NTN1: variants seen among roughly 807,000 people sequenced by gnomAD.
The protein encoded by NTN1 is netrin 1.
In NTN1, 11 loss-of-function variants were observed where a neutral mutation model predicts 54.2. The ratio of observed to expected loss-of-function variants is 0.20; its 90% CI spans 0.13 to 0.34. The LOEUF (loss-of-function observed/expected upper bound fraction) is 0.34, where lower values mean the gene tolerates loss of function less well. NTN1 is among the 10% of genes least tolerant of loss of function. The probability of loss-of-function intolerance (pLI) is 1.00; values close to 1 mark genes in which losing one functional copy is unlikely to be tolerated. For missense variants in NTN1, 740 were observed against 893.1 expected (o/e 0.83, Z 2.18); for synonymous variants, 371 against 382.0 (o/e 0.97, Z 0.33).
At chr17:9,144,083 A>G (rs947964232) in intron 2 of NTN1, among the ~76,000 whole-genome samples, 10 of 152,024 alleles carry the variant, frequency 6.6e-5, no homozygotes, top group African/African-American at 1.9e-4. Flanking sequence ...TTTAGTAGAG[A>G]CAGGGTTTCA....
chr17:9,125,692 A>G (rs957171336), intron 2 of NTN1, among the ~76,000 whole-genome samples: 1 of 151,820 alleles, frequency 6.6e-6, no homozygotes, highest in Non-Finnish European at 1.5e-5. Context: ...TGCAGCTTCA[A>G]ACTCCTGGGC....
chr17:9,011,774 G>C, the NTN1 span, among the ~76,000 whole-genome samples: 6 of 152,136 alleles, frequency 3.9e-5, no homozygotes, highest in African/African-American at 1.4e-4. Context: ...ATTTTTGGTA[G>C]AGATGGGGTT....
chr17:9,071,416 T>C (rs2092031595), intron 2 of NTN1, among the ~76,000 whole-genome samples: 3 of 152,182 alleles, frequency 2.0e-5, no homozygotes, highest in Non-Finnish European at 4.4e-5. Context: ...GTAATTAGAC[T>C]CTGTAATCCC....
chr17:9,102,898 G>A (rs942215391), intron 2 of NTN1, among the ~76,000 whole-genome samples: 1 of 152,206 alleles, frequency 6.6e-6, no homozygotes, highest in African/African-American at 2.4e-5. Context: ...TTTATGTCAA[G>A]TGCAAAGCCA....
the NTN1 span, among the ~76,000 whole-genome samples, chr17:9,004,705 C>A: frequency 6.6e-6 from 1 of 151,676 alleles, no homozygotes; most frequent in Non-Finnish European, 1.5e-5. Context: ...CCAGGTGAAG[C>A]TCCAGACTCT....
At chr17:9,142,033 A>G (rs1045639140) in intron 2 of NTN1, among the ~76,000 whole-genome samples, 4 of 152,160 alleles carry the variant, frequency 2.6e-5, no homozygotes, top group Non-Finnish European at 5.9e-5. Context: ...AGGCTGAGGC[A>G]GGAGAATCGC....
At chr17:9,136,590 CAAAA>C (rs560067880) in intron 2 of NTN1, among the ~76,000 whole-genome samples, 116 of 151,710 alleles carry the variant, frequency 7.6e-4, no homozygotes, top group South Asian at 3.8e-3. Flanking sequence ...AAGAAACAAA[CAAAA>C]AAAGAAAAAA....
the NTN1 span, among the ~76,000 whole-genome samples, chr17:9,014,384 A>G: frequency 6.6e-6 from 1 of 152,208 alleles, no homozygotes; most frequent in South Asian, 2.1e-4. Flanking sequence ...AAAACAACTC[A>G]AAACCTACTA....
At chr17:9,072,058 G>T (rs2092033691) in intron 2 of NTN1, among the ~76,000 whole-genome samples, 1 of 152,168 alleles carries the variant, frequency 6.6e-6, no homozygotes, top group African/African-American at 2.4e-5. Context: ...GGAAGCCGGG[G>T]CTGGGAGTAG....
chr17:9,239,278 C>G lies in NTN1; in HGVS notation c.1487-362C>G, dbSNP rs895740192. ...CACCCCTGAGGAACCTCCCTCTCCC[C>G]GCCAGCACTGCTCTCACCCGAGCGC... On this transcript the variant is annotated intron_variant, in intron 6 of 6. Transcript: ENST00000173229. This position sits in a 1 kb window ranked among gnomAD's most constrained non-coding sequence, Gnocchi z 5.2. 2.0e-5 allele frequency among the ~76,000 whole-genome samples: 3 copies of G among 152,176 alleles called. No individual in the cohort carries two copies. Among genetic ancestry groups the G allele is most frequent in the East Asian group, 1.9e-4 (1 of 5,194 alleles).
In NTN1 at chr17:9,169,735, C is replaced by T. The variant is rs139818261; in HGVS notation, c.1207+6734C>T. 5.4e-4 allele frequency among the ~76,000 whole-genome samples: 83 copies of T among 152,334 alleles called. 1 individual carries two copies. Among genetic ancestry groups the T allele is most frequent in the African/African-American group, 1.8e-3 (76 of 41,580 alleles). ...CAAGAATTAGCCGGGTGTGGTGGCG[C>T]ATGCCTGTAATCCCAGCTACTCGGG... On this transcript the variant is annotated intron_variant, in intron 3 of 6. Transcript: ENST00000173229.
chr17:9,182,868 T>C, intron 4 of NTN1, 48 bp from the exon 5 acceptor site: 1 of 1,594,674 alleles, frequency 6.3e-7, no homozygotes, highest in Non-Finnish European at 8.6e-7. Flanking sequence ...CATGTCGTCT[T>C]ACCTTGTTTT....
chr17:9,007,402 CTTCT>C, the NTN1 span, among the ~76,000 whole-genome samples: 3 of 142,976 alleles, frequency 2.1e-5, no homozygotes, highest in South Asian at 6.6e-4. Flanking sequence ...CTCTTTCTCT[CTTCT>C]TTTCTTCTCT....
intron 2 of NTN1, among the ~76,000 whole-genome samples, chr17:9,041,274 C>G (rs1368525417): frequency 1.3e-5 from 2 of 152,124 alleles, no homozygotes; most frequent in Non-Finnish European, 1.5e-5. Flanking sequence ...TTGGTACAAC[C>G]ATAACTGAAA....
At chr17:9,115,772 C>T (rs953404033) in intron 2 of NTN1, among the ~76,000 whole-genome samples, 7 of 152,184 alleles carry the variant, frequency 4.6e-5, no homozygotes, top group African/African-American at 1.2e-4. Flanking sequence ...CTGGAGGCGC[C>T]GGGGCAGCCT....
At chr17:9,096,811 A>C (rs1031389822) in intron 2 of NTN1, among the ~76,000 whole-genome samples, 1 of 152,232 alleles carries the variant, frequency 6.6e-6, no homozygotes, top group African/African-American at 2.4e-5. Context: ...CTTTGTCTTA[A>C]TTCTGACTTA....
chr17:9,054,712 C>T (rs1267496379), intron 2 of NTN1, among the ~76,000 whole-genome samples: 1 of 151,734 alleles, frequency 6.6e-6, no homozygotes, highest in Non-Finnish European at 1.5e-5. Flanking sequence ...CGCCAAGTGG[C>T]AGGGGACGAC....
chr17:9,065,661 G>A (rs972162712), intron 2 of NTN1, among the ~76,000 whole-genome samples: 1 of 152,212 alleles, frequency 6.6e-6, no homozygotes, highest in Non-Finnish European at 1.5e-5. Context: ...CCAGGCCTGG[G>A]TATAGCCCGT....
chr17:9,134,094 C>T (rs552484895), intron 2 of NTN1, among the ~76,000 whole-genome samples: 3 of 151,460 alleles, frequency 2.0e-5, no homozygotes, highest in East Asian at 2.0e-4. Flanking sequence ...TTAGTAGAGA[C>T]GAGGTTTCAC....
Sources: allele counts gnomAD v4.1 joint callset (sites outside exome capture counted in the v4.1 genomes callset), GRCh38; gene constraint gnomAD v4.1.1; non-coding constraint Gnocchi (gnomAD v3.1); transcripts MANE v1.5; gene names NCBI Gene and HGNC (gene_info 2026-07-23, HGNC 2026-07-21).